Variants in PBX1 observed in about 807,000 individuals in gnomAD.
PBX1 encodes the protein pre-B-cell leukemia transcription factor 1.
PBX1 carries 6 observed loss-of-function variants against 53.4 expected under a neutral mutation model. The observed-to-expected ratio is 0.11, with a 90% CI of 0.06 to 0.22. The LOEUF (loss-of-function observed/expected upper bound fraction) is 0.22, where lower values mean the gene tolerates loss of function less well. PBX1 is among the 10% of genes least tolerant of loss of function. PBX1 has a pLI of 1.00. For missense variants in PBX1, 251 were observed against 551.4 expected (o/e 0.46, Z 5.46); for synonymous variants, 204 against 212.3 (o/e 0.96, Z 0.34).
At chr1:164,725,133 C>A (rs1180478167) in intron 2 of PBX1, among the ~76,000 whole-genome samples, 1 of 152,058 alleles carries the variant, frequency 6.6e-6, no homozygotes, top group Non-Finnish European at 1.5e-5. Context: ...AGTAGACTTG[C>A]AGGGAATGAG....
intron 2 of PBX1, among the ~76,000 whole-genome samples, chr1:164,717,940 TTA>T (rs1277999033): frequency 2.0e-5 from 3 of 152,250 alleles, no homozygotes; most frequent in African/African-American, 7.2e-5. Context: ...CAATCTTTTA[TTA>T]AGCATGTACT....
intron 2 of PBX1, among the ~76,000 whole-genome samples, chr1:164,753,443 G>C (rs1178207235): frequency 6.6e-6 from 1 of 152,024 alleles, no homozygotes; most frequent in Non-Finnish European, 1.5e-5. Flanking sequence ...TTTGGTAGTT[G>C]TTGTTTCTCA....
chr1:164,610,908 CTGGCTTGCATT>C (rs1225253471), intron 2 of PBX1, among the ~76,000 whole-genome samples: 1 of 152,238 alleles, frequency 6.6e-6, no homozygotes, highest in Non-Finnish European at 1.5e-5. Context: ...TCCAGTGAGG[CTGGCTTGCATT>C]TGTCTTGCTT....
At chr1:164,716,729 C>CACACACACACACACACAG (rs796685795) in intron 2 of PBX1, among the ~76,000 whole-genome samples, 1 of 140,478 alleles carries the variant, frequency 7.1e-6, no homozygotes, top group African/African-American at 2.6e-5. Context: ...CACACACACA[C>CACACACACACACACACAG]AGAAATACAC....
rs1014746567 is a variant in PBX1 at position 164,623,687 on chromosome 1, G to A, written c.265+60376G>A. The stretch of plus-strand genomic sequence containing the variant: ...CTATGCCTTTGTGGCTAGCATCTTG[G>A]TGCTTGGATATTCCCCACTTCTCTG... On this transcript the variant is annotated intron_variant, in intron 2 of 8. Transcript: ENST00000420696. Among the ~76,000 whole-genome samples the A allele has an allele frequency of 4.6e-5, 7 of 152,134 alleles. No individual in the cohort carries two copies. The East Asian group carries it at 9.7e-4, about 21-fold the overall frequency.
chr1:164,849,134 G>C lies in PBX1; in HGVS notation c.*2458G>C. The C allele has an allele frequency of 7.2e-7, 1 of 1,380,458 alleles. No individual in the cohort carries two copies. The highest frequency in any genetic ancestry group is 1.5e-5 in the African/African-American group (1 of 68,848). 85.5% of individuals were successfully genotyped at this position (1,380,458 alleles called of 1,614,324 possible). ...ATTTGCTTGACTTAGGGCAAAGTAC[G>C]AAAGAGAGACAAAAGGGTTCTCTTG... is the stretch of plus-strand genomic sequence containing the variant. On this transcript the variant is annotated 3_prime_UTR_variant, in exon 9 of 9. Coordinates refer to ENST00000420696, the MANE Select transcript of PBX1 (RefSeq NM_002585.4).
chr1:164,646,818 T>TGTTTGC (rs1202066868), intron 2 of PBX1, among the ~76,000 whole-genome samples: 5 of 152,252 alleles, frequency 3.3e-5, no homozygotes, highest in Non-Finnish European at 5.9e-5. Flanking sequence ...CACAGAGGTG[T>TGTTTGC]GTTTGCTTTA....
intron 2 of PBX1, among the ~76,000 whole-genome samples, chr1:164,878,015 C>A (rs1350942375): frequency 6.6e-6 from 1 of 152,210 alleles, no homozygotes; most frequent in African/African-American, 2.4e-5. Flanking sequence ...GCTTCTTTCA[C>A]TCAACCTAAT....
chr1:164,861,067 G>T (rs1305951324), intron 2 of PBX1, among the ~76,000 whole-genome samples: 1 of 151,672 alleles, frequency 6.6e-6, no homozygotes, highest in African/African-American at 2.4e-5. Context: ...ACAGAGAAGG[G>T]AGGAAAAGAT....
chr1:164,687,811 G>A (rs566763961), intron 2 of PBX1, among the ~76,000 whole-genome samples: 8 of 152,272 alleles, frequency 5.3e-5, no homozygotes, highest in South Asian at 2.1e-4. Context: ...AGTTCTTTCC[G>A]AAGAACTTAT....
chr1:164,825,311 A>G (rs1670400442), intron 8 of PBX1, among the ~76,000 whole-genome samples: 1 of 152,028 alleles, frequency 6.6e-6, no homozygotes, highest in Non-Finnish European at 1.5e-5. Context: ...TCTCTACTTT[A>G]TCACAGACAC....
intron 2 of PBX1, among the ~76,000 whole-genome samples, chr1:164,663,714 T>C (rs375547525): frequency 2.6e-5 from 4 of 152,260 alleles, no homozygotes; most frequent in African/African-American, 4.8e-5. Context: ...CTATCCATCA[T>C]AGTCCTATGC....
At chr1:164,611,333 G>A (rs914683391) in intron 2 of PBX1, among the ~76,000 whole-genome samples, 3 of 152,092 alleles carry the variant, frequency 2.0e-5, no homozygotes, top group Admixed American at 6.5e-5. Context: ...CGCCTCCCGG[G>A]TTCATGCCAT....
chr1:164,613,227 A>C (rs770017904), intron 2 of PBX1, among the ~76,000 whole-genome samples: 6 of 152,192 alleles, frequency 3.9e-5, no homozygotes, highest in Non-Finnish European at 5.9e-5. Context: ...TTTGTGAGCT[A>C]TAGTGTTTTG....
intron 2 of PBX1, among the ~76,000 whole-genome samples, chr1:164,619,818 T>C (rs1308388825): frequency 6.6e-6 from 1 of 152,216 alleles, no homozygotes; most frequent in African/African-American, 2.4e-5. Context: ...GCAATTTTTA[T>C]ACATAATTGT....
chr1:164,826,209 T>A (rs568645146), intron 8 of PBX1, among the ~76,000 whole-genome samples: 12 of 152,324 alleles, frequency 7.9e-5, no homozygotes, highest in African/African-American at 2.9e-4. Flanking sequence ...TTGTAGATCA[T>A]CCCTCCAGAA....
intron 2 of PBX1, among the ~76,000 whole-genome samples, chr1:164,884,833 C>A (rs1366307330): frequency 6.6e-6 from 1 of 152,188 alleles, no homozygotes; most frequent in African/African-American, 2.4e-5. Context: ...ATCAAATAAT[C>A]ACTTTTAAGC....
intron 2 of PBX1, among the ~76,000 whole-genome samples, chr1:164,612,448 C>T (rs961562941): frequency 1.3e-5 from 2 of 152,136 alleles, no homozygotes; most frequent in South Asian, 2.1e-4. Flanking sequence ...TTAGCCACCT[C>T]TCGTAGCTCT....
At chr1:164,604,153 C>G (rs1369878842) in intron 2 of PBX1, among the ~76,000 whole-genome samples, 1 of 151,940 alleles carries the variant, frequency 6.6e-6, no homozygotes, top group Non-Finnish European at 1.5e-5. Context: ...GTTGTTCAGG[C>G]TAGTCTCGAA....
Sources: gnomAD v4.1 joint callset for allele counts (sites outside exome capture counted in the v4.1 genomes callset) on GRCh38, gnomAD v4.1.1 for gene constraint, MANE v1.5 for transcripts, NCBI Gene and HGNC (gene_info 2026-07-23, HGNC 2026-07-21) for gene names.